The following NEBL variants were observed in gnomAD, a reference collection of about 807,000 sequenced individuals.
NEBL encodes the protein nebulette, also known as LIM and SH3 protein 2.
In NEBL, 122 loss-of-function variants were observed where a neutral mutation model predicts 140.2. That is an observed-to-expected ratio of 0.87 (90% CI 0.75 to 1.01). The LOEUF (loss-of-function observed/expected upper bound fraction) is 1.01, where lower values mean the gene tolerates loss of function less well. Among genes scored for constraint, NEBL ranks in the 50% least tolerant of loss-of-function variants. The pLI, the probability that NEBL is intolerant of heterozygous loss-of-function variation, is 0.00. For synonymous variants in NEBL, 436 were observed against 398.9 expected (o/e 1.09, Z -1.11); for missense variants, 1,365 against 1,231.3 (o/e 1.11, Z -1.62).
intron 2 of NEBL, among the ~76,000 whole-genome samples, chr10:21,077,230 AT>A (rs1031686066): frequency 3.3e-5 from 5 of 152,170 alleles, no homozygotes; most frequent in African/African-American, 7.2e-5. Flanking sequence ...TTCAAAAAAA[AT>A]AAAAAATCAA....
At chr10:20,896,508 A>ATATATATATG (rs1847503800) in intron 2 of NEBL, among the ~76,000 whole-genome samples, 1 of 117,556 alleles carries the variant, frequency 8.5e-6, no homozygotes, top group African/African-American at 3.1e-5. Flanking sequence ...ATATATATAT[A>ATATATATATG]TATATATATG....
intron 3 of NEBL, among the ~76,000 whole-genome samples, chr10:21,191,646 GA>G (rs1223836905): frequency 6.6e-6 from 1 of 152,214 alleles, no homozygotes; most frequent in African/African-American, 2.4e-5. Flanking sequence ...TGGCTTCTGT[GA>G]TTCCATTATG....
intron 5 of NEBL, among the ~76,000 whole-genome samples, chr10:20,873,974 A>G (rs1417821996): frequency 2.0e-5 from 3 of 152,142 alleles, no homozygotes; most frequent in Non-Finnish European, 4.4e-5. Context: ...TTATCATACT[A>G]TCATTTTTAT....
chr10:21,288,545 G>A (rs372101425), intron 1 of NEBL, among the ~76,000 whole-genome samples: 70 of 149,738 alleles, frequency 4.7e-4, no homozygotes, highest in African/African-American at 1.6e-3. Flanking sequence ...GGTGGATCAC[G>A]AAGTCAGGAG....
At chr10:21,268,711 G>T (rs1842827624) in intron 1 of NEBL, among the ~76,000 whole-genome samples, 1 of 151,826 alleles carries the variant, frequency 6.6e-6, no homozygotes, top group South Asian at 2.1e-4. Context: ...TTTCAATAGA[G>T]ACAGAGTTTC....
intron 3 of NEBL, among the ~76,000 whole-genome samples, chr10:20,977,211 C>T (rs1204624064): frequency 6.6e-6 from 1 of 152,152 alleles, no homozygotes; most frequent in African/African-American, 2.4e-5. Context: ...GTCAGCACGT[C>T]ACATTCACTT....
intron 1 of NEBL, among the ~76,000 whole-genome samples, chr10:21,273,548 A>G (rs1478290240): frequency 1.1e-4 from 17 of 151,392 alleles, no homozygotes; most frequent in Admixed American, 1.1e-3. Flanking sequence ...TTCAGTTGAC[A>G]CTGAGGAAGT....
At chr10:20,859,471 T>A (rs1052005317) in intron 8 of NEBL, among the ~76,000 whole-genome samples, 1 of 152,056 alleles carries the variant, frequency 6.6e-6, no homozygotes, top group Non-Finnish European at 1.5e-5. Context: ...ATTTCCACTC[T>A]TGAACAGATA....
chr10:20,810,506 A>T (rs1236577472), intron 24 of NEBL, among the ~76,000 whole-genome samples: 1 of 152,248 alleles, frequency 6.6e-6, no homozygotes, highest in African/African-American at 2.4e-5. Context: ...ACACTTATTT[A>T]AAAAGTGTTA....
chr10:21,289,116 A>C (rs1175764668), intron 1 of NEBL, among the ~76,000 whole-genome samples: 1 of 151,598 alleles, frequency 6.6e-6, no homozygotes, highest in Non-Finnish European at 1.5e-5. Context: ...CAAAATGTTG[A>C]GATTACTGGC....
At chr10:20,817,885 C>A (rs1763149882) in intron 20 of NEBL, among the ~76,000 whole-genome samples, 193 bp from the exon 21 acceptor site, 1 of 152,164 alleles carries the variant, frequency 6.6e-6, no homozygotes, top group African/African-American at 2.4e-5. Flanking sequence ...GTTGCTGGTA[C>A]TGTTTAAATA....
At chr10:21,131,873 G>T (rs1192187343) in intron 2 of NEBL, among the ~76,000 whole-genome samples, 1 of 152,160 alleles carries the variant, frequency 6.6e-6, no homozygotes, top group African/African-American at 2.4e-5. Flanking sequence ...AAAGTTTCCT[G>T]CTGTTGTATT....
At chr10:21,116,931 C>G (rs1838310290) in intron 2 of NEBL, among the ~76,000 whole-genome samples, 1 of 152,064 alleles carries the variant, frequency 6.6e-6, no homozygotes, top group Non-Finnish European at 1.5e-5. Flanking sequence ...CTCAGCCTCC[C>G]AAAATGCTAG....
intron 3 of NEBL, among the ~76,000 whole-genome samples, chr10:21,221,866 C>T (rs916357641): frequency 6.6e-6 from 1 of 152,032 alleles, no homozygotes; most frequent in Admixed American, 6.6e-5. Context: ...TCTGTCCTCT[C>T]TCATTCATCT....
intron 20 of NEBL, 34 bp from the exon 21 acceptor site, chr10:20,817,726 C>A: frequency 6.8e-7 from 1 of 1,480,276 alleles, no homozygotes; most frequent in Non-Finnish European, 9.4e-7. Flanking sequence ...TAACAGATAG[C>A]ACAATGGGCT....
In NEBL at chr10:20,826,537, T is replaced by C. The variant is rs775804733; in HGVS notation, c.1779A>G (p.Val593=). The C allele has an allele frequency of 3.1e-6, 5 of 1,601,512 alleles. No homozygotes were observed. In the South Asian group the frequency reaches 4.4e-5, roughly 14 times the overall value. ...CAGCTCCCACTTCTTTCTTATAAAA[T>C]ACCTTTATTATAAGAAAAGGAAAAG... ...IKTTQQNISA[V]FYKKEVGAGT... is the part of the protein sequence containing the mutation. The change falls in exon 18 of 28, where the codon GTA becomes GTG. Residue 593 remains valine, a splice_region_variant and synonymous_variant. Coordinates refer to ENST00000377122, the MANE Select transcript of NEBL (RefSeq NM_006393.3).
chr10:20,829,627 T>C (rs1729949007), intron 16 of NEBL, among the ~76,000 whole-genome samples: 1 of 152,138 alleles, frequency 6.6e-6, no homozygotes, highest in Admixed American at 6.6e-5. Flanking sequence ...CTACTATTCA[T>C]GTTGAAATGC....
In NEBL at chr10:20,785,568, T is replaced by A; in HGVS notation, c.*179A>T. On this transcript the variant is annotated 3_prime_UTR_variant, in exon 28 of 28. Coordinates refer to ENST00000377122, the MANE Select transcript of NEBL (RefSeq NM_006393.3). ...TTTTGTTTGTAGGAATTACTGAAAA[T>A]GCTGCTGTTTTCAGCCCAGAGGTCA... The A allele has an allele frequency of 1.5e-6, 1 of 689,124 alleles. No homozygotes were observed. Among genetic ancestry groups the A allele is most frequent in the Non-Finnish European group, 2.4e-6 (1 of 411,062 alleles). 42.7% of individuals were successfully genotyped at this position (689,124 alleles called of 1,614,324 possible). A position where few individuals can be genotyped will look rare whatever the true frequency, so the allele number is the denominator to read the frequency against.
chr10:20,959,663 T>C (rs1356972575), intron 4 of NEBL, among the ~76,000 whole-genome samples: 2 of 152,092 alleles, frequency 1.3e-5, no homozygotes, highest in Non-Finnish European at 2.9e-5. Flanking sequence ...TCCCTAATGG[T>C]AATATTATGA....
Sources: gnomAD v4.1 joint callset for allele counts (sites outside exome capture counted in the v4.1 genomes callset) on GRCh38, gnomAD v4.1.1 for gene constraint, MANE v1.5 for transcripts, NCBI Gene and HGNC (gene_info 2026-07-23, HGNC 2026-07-21) for gene names.